The following ABCC1 variants were observed in gnomAD, a reference collection of about 807,000 sequenced individuals.
ABCC1 encodes ATP binding cassette subfamily C member 1 (ABCC1 blood group), also known as multidrug resistance-associated protein 1.
Under a neutral mutation model 172.9 loss-of-function variants are expected in ABCC1, and 83 were observed. That is an observed-to-expected ratio of 0.48 (90% CI 0.40 to 0.58). The LOEUF (loss-of-function observed/expected upper bound fraction) is 0.58. ABCC1 is among the 20% of genes least tolerant of loss of function. ABCC1 has a pLI of 0.00. For missense variants in ABCC1, 1,817 were observed against 2,002.7 expected (o/e 0.91, Z 1.77); for synonymous variants, 937 against 825.2 (o/e 1.14, Z -2.32).
chr16:16,124,577 A>T (rs1346700287), intron 24 of ABCC1, among the ~76,000 whole-genome samples: 1 of 152,194 alleles, frequency 6.6e-6, no homozygotes, highest in Non-Finnish European at 1.5e-5. Flanking sequence ...TGCCAGATTA[A>T]TGAGGATTTA....
rs45461397 is a variant in ABCC1 at position 16,091,629 on chromosome 16, C to G, written c.2644+1041C>G. On this transcript the variant is annotated intron_variant, in intron 19 of 30. Coordinates refer to ENST00000399410, the MANE Select transcript of ABCC1 (RefSeq NM_004996.4). ...ACAGCCAGTACAAAGGCCTCAGGAC[C>G]AGCATGAGCTCAATTTGTTTACAAA... Among the ~76,000 whole-genome samples the G allele has an allele frequency of 6.4e-3, 977 of 152,206 alleles. 9 individuals carry two copies. Among genetic ancestry groups the G allele is most frequent in the African/African-American group, 0.022 (931 of 41,532 alleles).
At chr16:15,999,769 T>TTCTCTC (rs1228532784) in intron 1 of ABCC1, among the ~76,000 whole-genome samples, 363 of 25,356 alleles carry the variant, frequency 0.014, 77 homozygotes, top group East Asian at 0.11. Context: ...CCCGGCCTCT[T>TTCTCTC]TCTCTCTCTC....
chr16:16,124,939 G>A, intron 25 of ABCC1, 24 bp downstream of exon 25: 1 of 1,614,046 alleles, frequency 6.2e-7, no homozygotes, highest in Non-Finnish European at 8.5e-7. Context: ...CTCTTGGCTG[G>A]ATTATTAAAG....
chr16:15,960,022 C>T (rs1344549866), intron 1 of ABCC1, among the ~76,000 whole-genome samples: 2 of 152,192 alleles, frequency 1.3e-5, no homozygotes, highest in Non-Finnish European at 2.9e-5. Context: ...GTACCTTTTA[C>T]TGGCCTCCTA....
At chr16:16,085,609 A>G (rs772250414) in intron 17 of ABCC1, among the ~76,000 whole-genome samples, 1 of 152,132 alleles carries the variant, frequency 6.6e-6, no homozygotes, top group Non-Finnish European at 1.5e-5. Flanking sequence ...GTGAAAACCC[A>G]CCTCTACTAA....
At chr16:15,971,194 CAG>C (rs1261948777) in intron 1 of ABCC1, among the ~76,000 whole-genome samples, 1 of 152,128 alleles carries the variant, frequency 6.6e-6, no homozygotes, top group South Asian at 2.1e-4. Flanking sequence ...GCATAGGCCT[CAG>C]GGGATTGGTT....
intron 5 of ABCC1, among the ~76,000 whole-genome samples, chr16:16,026,464 CCTTTTTTTTT>C (rs1349206598): frequency 6.8e-5 from 7 of 102,260 alleles, no homozygotes; most frequent in Admixed American, 1.4e-4. Context: ...AAGGCTATTT[CCTTTTTTTTT>C]TTTTTTTTTT....
intron 23 of ABCC1, 99 bp downstream of exon 23, chr16:16,115,175 G>A: frequency 2.3e-6 from 3 of 1,297,744 alleles, no homozygotes; most frequent in Non-Finnish European, 3.1e-6. Context: ...CCCCAGTGTG[G>A]TGCTTTTGAA....
At position 16,052,751 on chromosome 16, in the gene ABCC1, G is replaced by A. The variant is rs1169686955; in HGVS notation, c.1408G>A (p.Val470Met). 2 of 1,614,144 alleles carry A rather than the reference G, an allele frequency of 1.2e-6. No individual in the cohort carries two copies. The highest frequency in any genetic ancestry group is 1.3e-5 in the African/African-American group (1 of 75,042). Residue 470 changes from valine to methionine, a missense_variant, in exon 11 of 31, where the codon GTG becomes ATG. Val to Met is a conservative substitution (Grantham distance 21, BLOSUM62 1). This residue lies in a region of ABCC1 where 1,412 missense variants were observed against 1,600.3 expected (regional missense o/e 0.88). Transcript: ENST00000399410. ...LNLGPSVLAGVAVMVLMVPVN... is the reference protein window; with the variant it reads ...LNLGPSVLAGMAVMVLMVPVN... ...TCTGGGCCCTTCCGTCCTGGCTGGA[G>A]TGGCGGTGATGGTCCTCATGGTGCC... is the stretch of plus-strand genomic sequence containing the variant.
At chr16:16,024,279 G>A (rs1309865246) in intron 5 of ABCC1, among the ~76,000 whole-genome samples, 8 of 68,554 alleles carry the variant, frequency 1.2e-4, no homozygotes, top group African/African-American at 3.3e-4. Flanking sequence ...GGATGTAAGC[G>A]AAAAGAGAGG....
intron 5 of ABCC1, among the ~76,000 whole-genome samples, chr16:16,022,868 C>G (rs2048239579): frequency 6.6e-6 from 1 of 152,162 alleles, no homozygotes; most frequent in Non-Finnish European, 1.5e-5. Context: ...ACATATCTGT[C>G]TGTCTAACCA....
chr16:16,140,629 T>C (rs2046090379), intron 30 of ABCC1, among the ~76,000 whole-genome samples: 1 of 152,186 alleles, frequency 6.6e-6, no homozygotes, highest in African/African-American at 2.4e-5. Flanking sequence ...CCTAAAATAT[T>C]AGGGGTCAGC....
intron 20 of ABCC1, among the ~76,000 whole-genome samples, chr16:16,104,762 C>CGGGGAGGT (rs1288079214): frequency 6.6e-6 from 1 of 152,148 alleles, no homozygotes; most frequent in Non-Finnish European, 1.5e-5. Context: ...GAGCCCATAG[C>CGGGGAGGT]GGGGAGGTGG....
At position 16,068,284 on chromosome 16, in the gene ABCC1, C is replaced by T. The variant is rs2050191894; in HGVS notation, c.1806C>T (p.Val602=). 4 of 1,614,140 alleles carry T rather than the reference C, an allele frequency of 2.5e-6. No homozygotes were observed. Among genetic ancestry groups the T allele is most frequent in the Non-Finnish European group, 3.4e-6 (4 of 1,180,044 alleles). Residue 602 remains valine (V), a synonymous_variant, in exon 13 of 31, where the codon GTC becomes GTT. Coordinates refer to ENST00000399410, the MANE Select transcript of ABCC1 (RefSeq NM_004996.4). ...TTCCCCTGAACATTCTCCCCATGGT[C>T]ATCAGCAGCATCGTGCAGGTACAGG... ...LRFPLNILPM[V]ISSIVQASVS...
chr16:16,071,672 T>C lies in ABCC1; in HGVS notation c.1855T>C (p.Phe619Leu). ...ASVSLKRLRI[F>L]LSHEELEPDS... ...TGTCTCCCTCAAACGCCTGAGGATCTTTCTCTCCCATGAGGAGCTGGAACC... is the reference window on the plus strand; with the variant it reads ...TGTCTCCCTCAAACGCCTGAGGATCCTTCTCTCCCATGAGGAGCTGGAACC... Residue 619 changes from phenylalanine to leucine, a missense_variant, in exon 14 of 31, where the codon TTT (phenylalanine) becomes CTT (leucine). Around this residue, in one of 3 missense-constraint regions of ABCC1, gnomAD observed 1,412 missense variants for 1,600.3 expected, o/e 0.88. Transcript: ENST00000399410. 6.2e-7 allele frequency: 1 copy of C among 1,614,060 alleles called. No individual in the cohort carries two copies. The highest frequency in any genetic ancestry group is 8.5e-7 in the Non-Finnish European group (1 of 1,179,972).
chr16:15,987,934 T>C (rs215077), intron 1 of ABCC1, among the ~76,000 whole-genome samples: 10,291 of 152,202 alleles, frequency 0.068, 376 homozygotes, highest in Middle Eastern at 0.12. Flanking sequence ...GGTTTACTCC[T>C]CTGTTTCCTT....
At chr16:16,013,270 G>GTTTTTT (rs35420214) in intron 3 of ABCC1, among the ~76,000 whole-genome samples, 8 of 145,796 alleles carry the variant, frequency 5.5e-5, no homozygotes, top group Non-Finnish European at 4.5e-5. Context: ...GCCAGCACAT[G>GTTTTTT]TTTTTTTTTT....
chr16:16,138,747 G>A (rs371770381), intron 30 of ABCC1, among the ~76,000 whole-genome samples, 189 bp downstream of exon 30: 2 of 136,326 alleles, frequency 1.5e-5, no homozygotes, highest in African/African-American at 5.7e-5. Context: ...ACAGAGTCTC[G>A]CTTCATCTCT....
intron 1 of ABCC1, 109 bp downstream of exon 1, chr16:15,949,908 G>A: frequency 1.0e-6 from 1 of 962,510 alleles, no homozygotes; most frequent in Non-Finnish European, 1.3e-6. Flanking sequence ...CTCTGCTGCC[G>A]GCCTCGGGGG....
Sources: gnomAD v4.1 joint callset for allele counts (sites outside exome capture counted in the v4.1 genomes callset) on GRCh38, gnomAD v4.1.1 for gene constraint, gnomAD v4.1.1 regional missense constraint, MANE v1.5 for transcripts, NCBI Gene and HGNC (gene_info 2026-07-23, HGNC 2026-07-21) for gene names.